The following RAB10 variants were observed in gnomAD, a reference collection of about 807,000 sequenced individuals.
The protein encoded by RAB10 is ras-related protein Rab-10.
RAB10 carries 5 observed loss-of-function variants against 25.7 expected under a neutral mutation model. The ratio of observed to expected loss-of-function variants is 0.19; its 90% CI spans 0.10 to 0.41. The LOEUF (loss-of-function observed/expected upper bound fraction) is 0.41. Among genes scored for constraint, RAB10 ranks in the 10% least tolerant of loss-of-function variants. The pLI is 1.00. For synonymous variants in RAB10, 89 were observed against 86.4 expected, an observed-to-expected ratio of 1.03 and a Z score of -0.16; for missense variants, 103 against 245.8, an observed-to-expected ratio of 0.42 and a Z score of 3.89.
intron 1 of RAB10, among the ~76,000 whole-genome samples, chr2:26,079,854 C>T (rs888249708): frequency 2.6e-5 from 4 of 151,994 alleles, no homozygotes; most frequent in South Asian, 2.1e-4. Flanking sequence ...TTTGTAGAGA[C>T]GAGGTCTCAT....
chr2:26,071,013 A>T lies in RAB10; in HGVS notation c.128-27649A>T, dbSNP rs191999308. On this transcript the variant is annotated intron_variant, in intron 1 of 5. Coordinates refer to ENST00000264710, the MANE Select transcript of RAB10 (RefSeq NM_016131.5). ...CCTTAGCATGAATCAAGACAATGGA[A>T]CCAAGCTGGACTAGTAGTCATTGTA... Among the ~76,000 whole-genome samples the T allele has an allele frequency of 4.8e-3, 738 of 152,330 alleles. 6 individuals carry two copies. The highest frequency in any genetic ancestry group is 8.2e-3 in the Non-Finnish European group (561 of 68,030).
At chr2:26,054,292 G>A (rs955871232) in intron 1 of RAB10, among the ~76,000 whole-genome samples, 51 of 151,850 alleles carry the variant, frequency 3.4e-4, no homozygotes, top group African/African-American at 1.1e-3. Flanking sequence ...GACCTCAGGT[G>A]ATCTGCCCGT....
chr2:26,076,833 A>G (rs989671665), intron 1 of RAB10, among the ~76,000 whole-genome samples: 4 of 151,518 alleles, frequency 2.6e-5, no homozygotes, highest in Admixed American at 6.6e-5. Context: ...AATCCCAGCT[A>G]CTCGGGAGGC....
intron 1 of RAB10, among the ~76,000 whole-genome samples, chr2:26,095,403 C>T (rs1024522490): frequency 6.6e-6 from 1 of 152,042 alleles, no homozygotes; most frequent in Non-Finnish European, 1.5e-5. Context: ...ATCAGGAGAT[C>T]GAGACCATCC....
intron 3 of RAB10, among the ~76,000 whole-genome samples, chr2:26,124,389 C>CTTTTTTTTT (rs10669615): frequency 0.05 from 981 of 19,664 alleles, 405 homozygotes; most frequent in Middle Eastern, 0.14. Flanking sequence ...GTTGTTGTTG[C>CTTTTTTTTT]TTTTTTTTTT....
intron 1 of RAB10, among the ~76,000 whole-genome samples, chr2:26,065,475 G>A (rs192493688): frequency 2.1e-5 from 3 of 140,436 alleles, no homozygotes; most frequent in Non-Finnish European, 4.6e-5. Context: ...ACTACAGTTT[G>A]CCAAAGACTT....
chr2:26,052,653 G>A (rs1433681514), intron 1 of RAB10, among the ~76,000 whole-genome samples: 1 of 151,940 alleles, frequency 6.6e-6, no homozygotes, highest in African/African-American at 2.4e-5. Flanking sequence ...AACTTGGGTG[G>A]GCAGGTGTGG....
At chr2:26,112,237 CATTGA>C (rs1667588866) in intron 3 of RAB10, among the ~76,000 whole-genome samples, 1 of 152,150 alleles carries the variant, frequency 6.6e-6, no homozygotes, top group Non-Finnish European at 1.5e-5. Context: ...TTGATTAAAT[CATTGA>C]CTTCTGGTGA....
chr2:26,039,994 C>G (rs1490092473), intron 1 of RAB10, among the ~76,000 whole-genome samples: 1 of 152,098 alleles, frequency 6.6e-6, no homozygotes, highest in Non-Finnish European at 1.5e-5. Context: ...AGGCATATTT[C>G]AAGTGATTAA....
At chr2:26,069,588 C>G (rs1243078924) in intron 1 of RAB10, among the ~76,000 whole-genome samples, 1 of 151,892 alleles carries the variant, frequency 6.6e-6, no homozygotes, top group Non-Finnish European at 1.5e-5. Flanking sequence ...ATCACTTGAA[C>G]CCAGGAAGTG....
At chr2:26,107,885 T>G (rs1667499350) in intron 2 of RAB10, among the ~76,000 whole-genome samples, 1 of 149,524 alleles carries the variant, frequency 6.7e-6, no homozygotes, top group Non-Finnish European at 1.5e-5. Context: ...AGAGGACATG[T>G]GGATGGCAAA....
At chr2:26,080,599 C>G (rs1666848900) in intron 1 of RAB10, among the ~76,000 whole-genome samples, 2 of 152,140 alleles carry the variant, frequency 1.3e-5, no homozygotes, top group African/African-American at 4.8e-5. Context: ...ACCTTGAACT[C>G]TTGGGCTCAA....
chr2:26,136,701 G>A lies in RAB10; in HGVS notation c.*1680G>A, dbSNP rs1161165796. The A allele has an allele frequency of 6.6e-6, 1 of 152,606 alleles. No homozygotes were observed. The highest frequency in any genetic ancestry group is 1.5e-5 in the Non-Finnish European group (1 of 68,034). The allele number at this position is 152,606 out of a possible 1,614,324, so 9.5% of individuals were successfully genotyped here. A position where few individuals can be genotyped will look rare whatever the true frequency, so the allele number is the denominator to read the frequency against. On this transcript the variant is annotated 3_prime_UTR_variant, in exon 6 of 6. Coordinates refer to ENST00000264710, the MANE Select transcript of RAB10 (RefSeq NM_016131.5). The stretch of plus-strand genomic sequence containing the variant: ...TTCCATTGAGAAGTCTTTCTGTGTC[G>A]TGAATAGCATTTTAATGACCTCTTG...
intron 1 of RAB10, among the ~76,000 whole-genome samples, chr2:26,057,868 C>A (rs752647160): frequency 1.2e-4 from 18 of 152,156 alleles, no homozygotes; most frequent in Non-Finnish European, 2.5e-4. Context: ...AAGGGATCCA[C>A]CTGCCTTGGC....
chr2:26,060,913 A>G lies in RAB10; in HGVS notation c.127+26178A>G, dbSNP rs992954133. ...GCTTCCATTTTGCTACTTGAAAAAA[A>G]CTTTGTTGAAAAATAGCTTCTAGAT... On this transcript the variant is annotated intron_variant, in intron 1 of 5. Transcript: ENST00000264710. Among the ~76,000 whole-genome samples the G allele has an allele frequency of 2.0e-5, 3 of 152,116 alleles. No individual in the cohort carries two copies. In the East Asian group the frequency reaches 5.8e-4, roughly 29 times the overall value.
intron 1 of RAB10, among the ~76,000 whole-genome samples, chr2:26,040,695 G>T (rs1431692281): frequency 1.3e-5 from 2 of 152,098 alleles, no homozygotes; most frequent in Non-Finnish European, 2.9e-5. Context: ...GGTTTGTATA[G>T]AAGTAGTTAT....
At chr2:26,066,457 G>A (rs954166620) in intron 1 of RAB10, among the ~76,000 whole-genome samples, 22 of 152,146 alleles carry the variant, frequency 1.4e-4, no homozygotes, top group African/African-American at 5.3e-4. Flanking sequence ...TTCTCATGCT[G>A]CTATGAAGAA....
intron 1 of RAB10, among the ~76,000 whole-genome samples, chr2:26,037,599 A>G (rs1665791144): frequency 6.6e-6 from 1 of 151,782 alleles, no homozygotes; most frequent in South Asian, 2.1e-4. Flanking sequence ...AGATCGTGCC[A>G]TTGCACTCCA....
At chr2:26,074,106 A>G (rs1333945816) in intron 1 of RAB10, among the ~76,000 whole-genome samples, 1 of 152,214 alleles carries the variant, frequency 6.6e-6, no homozygotes, top group Non-Finnish European at 1.5e-5. Flanking sequence ...GAATGATGAG[A>G]AAATGCAGGA....
Sources: gnomAD v4.1 joint callset for allele counts (sites outside exome capture counted in the v4.1 genomes callset) on GRCh38, gnomAD v4.1.1 for gene constraint, MANE v1.5 for transcripts, NCBI Gene and HGNC (gene_info 2026-07-23, HGNC 2026-07-21) for gene names.